AR: variants seen among roughly 807,000 people sequenced by gnomAD.
The protein encoded by AR is androgen receptor, also known as dihydrotestosterone receptor.
AR carries 8 observed loss-of-function variants against 53.9 expected under a neutral mutation model. The ratio of observed to expected loss-of-function variants is 0.15; its 90% CI spans 0.09 to 0.27. The LOEUF (loss-of-function observed/expected upper bound fraction) is 0.27. Among genes scored for constraint, AR ranks in the 10% least tolerant of loss-of-function variants. AR has a pLI of 1.00. For missense variants in AR, 639 were observed against 742.5 expected (o/e 0.86, Z 1.62); for synonymous variants, 359 against 316.4 (o/e 1.13, Z -1.43).
At chrX:67,628,689 G>A (rs997664479) in intron 1 of AR, among the ~76,000 whole-genome samples, 2 of 111,156 alleles carry the variant, frequency 1.8e-5, no homozygotes, top group Admixed American at 1.9e-4. Flanking sequence ...TAGGAGTGGT[G>A]AGAGAGGGCA....
At chrX:67,689,560 T>A in intron 3 of AR, 1 of 965,428 alleles carries the variant, frequency 1.0e-6, no homozygotes, top group Non-Finnish European at 1.3e-6. Flanking sequence ...TTCTAGCAGC[T>A]GTTGTTGTTT....
chrX:67,720,113 C>T (rs780878770), intron 5 of AR, among the ~76,000 whole-genome samples: 1 of 111,592 alleles, frequency 9.0e-6, no homozygotes, highest in South Asian at 3.8e-4. Context: ...TTATTGAACA[C>T]CTGCTATGTG....
rs781275021 is a variant in AR, at chrX:67,695,251, C to T, written c.1885+9125C>T. ...TTCGTATTTCCCCCTTAGGTTCTAG[C>T]CTTCTGGATCCCAGCCAGTGACCTA... On this transcript the variant is annotated intron_variant, in intron 3 of 7. Coordinates refer to ENST00000374690, the MANE Select transcript of AR (RefSeq NM_000044.6). 7 of 752,215 alleles carry T rather than the reference C, an allele frequency of 9.3e-6. No individual in the cohort carries two copies. In the African/African-American group the frequency reaches 1.4e-4, roughly 15 times the overall value. 62.0% of individuals were successfully genotyped at this position (752,215 alleles called of 1,213,427 possible).
At chrX:67,597,098 A>C (rs1022030208) in intron 1 of AR, among the ~76,000 whole-genome samples, 30 of 111,953 alleles carry the variant, frequency 2.7e-4, no homozygotes, top group Non-Finnish European at 4.7e-4. Context: ...AGTTTCTGGC[A>C]CTTCTCTTGA....
At chrX:67,563,665 CA>C (rs1358484031) in intron 1 of AR, among the ~76,000 whole-genome samples, 3 of 111,829 alleles carry the variant, frequency 2.7e-5, no homozygotes. Flanking sequence ...TTGCAGATAA[CA>C]GGGGAGCATG....
chrX:67,632,849 A>T (rs141575395), intron 1 of AR, among the ~76,000 whole-genome samples: 2 of 112,119 alleles, frequency 1.8e-5, no homozygotes, highest in Non-Finnish European at 3.8e-5. Context: ...AGACAACCCA[A>T]TTTTAAAATG....
At chrX:67,626,221 G>C (rs926922823) in intron 1 of AR, among the ~76,000 whole-genome samples, 2 of 109,943 alleles carry the variant, frequency 1.8e-5, no homozygotes, top group Non-Finnish European at 3.8e-5. Context: ...CTGCCTCCCA[G>C]CTACACTTCG....
chrX:67,646,159 A>C (rs1207090048), intron 2 of AR, among the ~76,000 whole-genome samples: 2 of 111,790 alleles, frequency 1.8e-5, no homozygotes, highest in African/African-American at 6.5e-5. Flanking sequence ...GGCATCTCAG[A>C]CAGAAATATG....
At chrX:67,683,173 G>C (rs970832749) in intron 2 of AR, among the ~76,000 whole-genome samples, 2 of 111,714 alleles carry the variant, frequency 1.8e-5, no homozygotes, top group African/African-American at 6.5e-5. Context: ...GCATGTTTAT[G>C]CTTATGTTGC....
At chrX:67,703,545 C>T (rs1308933646) in intron 3 of AR, among the ~76,000 whole-genome samples, 1 of 111,809 alleles carries the variant, frequency 8.9e-6, no homozygotes, top group Non-Finnish European at 1.9e-5. Context: ...CAGAAAGATT[C>T]TCTCACTTCT....
At chrX:67,616,911 A>G (rs1259779176) in intron 1 of AR, among the ~76,000 whole-genome samples, 1 of 111,482 alleles carries the variant, frequency 9.0e-6, no homozygotes, top group East Asian at 2.9e-4. Flanking sequence ...TCATGAGCAC[A>G]GAGCATTTAG....
At chrX:67,600,244 CT>C (rs984805910) in intron 1 of AR, among the ~76,000 whole-genome samples, 3 of 110,894 alleles carry the variant, frequency 2.7e-5, no homozygotes, top group Non-Finnish European at 3.8e-5. Context: ...TTATAAATTA[CT>C]TTTATTATTT....
At chrX:67,719,671 G>A (rs781128299) in intron 5 of AR, among the ~76,000 whole-genome samples, 7 of 111,996 alleles carry the variant, frequency 6.3e-5, no homozygotes, top group African/African-American at 2.3e-4. Flanking sequence ...AAATAATTTT[G>A]TCATTATGTA....
At chrX:67,679,179 T>TA (rs1418337205) in intron 2 of AR, among the ~76,000 whole-genome samples, 2 of 111,509 alleles carry the variant, frequency 1.8e-5, no homozygotes, top group Non-Finnish European at 3.8e-5. Flanking sequence ...TTTAGAAATT[T>TA]AAAAACTTGA....
At chrX:67,667,155 T>A (rs1162126188) in intron 2 of AR, among the ~76,000 whole-genome samples, 2 of 111,902 alleles carry the variant, frequency 1.8e-5, no homozygotes, top group Non-Finnish European at 3.8e-5. Flanking sequence ...CTGGAGAGTT[T>A]CCCCAATGTT....
chrX:67,647,332 TTC>T (rs891690702), intron 2 of AR, among the ~76,000 whole-genome samples: 1 of 111,706 alleles, frequency 9.0e-6, no homozygotes, highest in African/African-American at 3.3e-5. Context: ...ATGGCTTTGA[TTC>T]TCTCTCTCAC....
intron 1 of AR, among the ~76,000 whole-genome samples, chrX:67,629,279 G>C (rs1385714206): frequency 9.3e-6 from 1 of 107,805 alleles, no homozygotes; most frequent in Non-Finnish European, 1.9e-5. Context: ...GACTCTTTTT[G>C]GTTGGTAAGC....
At chrX:67,560,010 A>G (rs1323765081) in intron 1 of AR, among the ~76,000 whole-genome samples, 1 of 111,961 alleles carries the variant, frequency 8.9e-6, no homozygotes, top group African/African-American at 3.2e-5. Flanking sequence ...GTCACCAACT[A>G]TCTAATAATA....
intron 2 of AR, among the ~76,000 whole-genome samples, chrX:67,683,821 G>T (rs1025696273): frequency 9.1e-6 from 1 of 110,377 alleles, no homozygotes; most frequent in African/African-American, 3.3e-5. Flanking sequence ...AGACCAAGAG[G>T]TACCCAGAGA....
Sources: gnomAD v4.1 joint callset for allele counts (sites outside exome capture counted in the v4.1 genomes callset) on GRCh38, gnomAD v4.1.1 for gene constraint, MANE v1.5 for transcripts, NCBI Gene and HGNC (gene_info 2026-07-23, HGNC 2026-07-21) for gene names.